KIF26B: variants seen among roughly 807,000 people sequenced by gnomAD.
The protein encoded by KIF26B is kinesin-like protein KIF26B.
In KIF26B, 63 loss-of-function variants were observed where a neutral mutation model predicts 151.2. The ratio of observed to expected loss-of-function variants is 0.42; its 90% CI spans 0.34 to 0.51. The LOEUF (loss-of-function observed/expected upper bound fraction) is 0.51, where lower values mean the gene tolerates loss of function less well. Among genes scored for constraint, KIF26B ranks in the 20% least tolerant of loss-of-function variants. KIF26B has a pLI of 0.07. For missense variants in KIF26B, 2,813 were observed against 2,913.6 expected, an observed-to-expected ratio of 0.97 and a Z score of 0.79; for synonymous variants, 1,357 against 1,262.1, an observed-to-expected ratio of 1.08 and a Z score of -1.59.
At chr1:245,441,556 G>C (rs1233564123) in intron 4 of KIF26B, among the ~76,000 whole-genome samples, 1 of 151,972 alleles carries the variant, frequency 6.6e-6, no homozygotes. Context: ...GGAGGGGAGG[G>C]TTCCAGTTCA....
chr1:245,401,122 CACTT>C (rs1331703094), intron 3 of KIF26B, among the ~76,000 whole-genome samples: 1 of 152,154 alleles, frequency 6.6e-6, no homozygotes, highest in Non-Finnish European at 1.5e-5. Context: ...ATCCTGAACT[CACTT>C]CAAAAGCGAC....
At chr1:245,511,759 T>C (rs1360970605) in intron 4 of KIF26B, among the ~76,000 whole-genome samples, 1 of 152,200 alleles carries the variant, frequency 6.6e-6, no homozygotes, top group African/African-American at 2.4e-5. Context: ...TCATTGCTAG[T>C]TTATACCAGT....
chr1:245,417,731 C>G (rs189044208), intron 3 of KIF26B, among the ~76,000 whole-genome samples: 13 of 152,338 alleles, frequency 8.5e-5, no homozygotes, highest in African/African-American at 3.1e-4. Flanking sequence ...CCTTCTGGAC[C>G]AGATGTGGGA....
intron 2 of KIF26B, among the ~76,000 whole-genome samples, chr1:245,214,963 C>T (rs375071596): frequency 4.1e-4 from 62 of 152,104 alleles, no homozygotes; most frequent in African/African-American, 1.4e-3. Context: ...CTTGGGAGAT[C>T]GGCTGAATGA....
At chr1:245,231,230 C>T (rs1669990097) in intron 2 of KIF26B, among the ~76,000 whole-genome samples, 1 of 152,100 alleles carries the variant, frequency 6.6e-6, no homozygotes, top group African/African-American at 2.4e-5. Context: ...AAACTACAAT[C>T]TAGGCTGGGC....
intron 5 of KIF26B, among the ~76,000 whole-genome samples, chr1:245,559,736 G>A (rs540951468): frequency 6.6e-6 from 1 of 151,850 alleles, no homozygotes; most frequent in African/African-American, 2.4e-5. Context: ...TAGAGATGGG[G>A]GGTCTTACTA....
intron 3 of KIF26B, among the ~76,000 whole-genome samples, chr1:245,401,759 A>C (rs546726134): frequency 1.3e-4 from 20 of 152,270 alleles, no homozygotes; most frequent in African/African-American, 4.6e-4. Flanking sequence ...AATCCCAGCT[A>C]CTCAGGAGGC....
intron 10 of KIF26B, among the ~76,000 whole-genome samples, chr1:245,668,313 A>G (rs1469273944): frequency 6.6e-6 from 1 of 152,252 alleles, no homozygotes. Flanking sequence ...CATGTCAGAA[A>G]TGAATAGCTT....
rs960224610 is a variant in KIF26B at position 245,564,620 on chromosome 1, A to G, written c.1350+23670A>G. Among the ~76,000 whole-genome samples the G allele has an allele frequency of 6.6e-6, 1 of 152,184 alleles. No homozygotes were observed. Among genetic ancestry groups the G allele is most frequent in the African/African-American group, 2.4e-5 (1 of 41,444 alleles). On this transcript the variant is annotated intron_variant, in intron 5 of 14. Transcript: ENST00000407071. This position sits in a 1 kb window ranked among gnomAD's most constrained non-coding sequence, Gnocchi z 4.6. Reference sequence around the variant, plus strand: ...TGAAATCCAAACTCAAGGTGTATACATGTCACCTCCCAGCACAGCAAATGG... The same window carrying G: ...TGAAATCCAAACTCAAGGTGTATACGTGTCACCTCCCAGCACAGCAAATGG...
intron 5 of KIF26B, among the ~76,000 whole-genome samples, chr1:245,555,149 AGGTGAGAAGCACCAGG>A (rs1228050398): frequency 6.6e-6 from 1 of 152,162 alleles, no homozygotes; most frequent in African/African-American, 2.4e-5. Context: ...CTGTTAAGAT[AGGTGAGAAGCACCAGG>A]GGTAGGCGAG....
At position 245,170,308 on chromosome 1, in the gene KIF26B, G is replaced by A. The variant is rs1668688048; in HGVS notation, c.465+13625G>A. On this transcript the variant is annotated intron_variant, in intron 2 of 14. Coordinates refer to ENST00000407071, the MANE Select transcript of KIF26B (RefSeq NM_018012.4). This position sits in a 1 kb window ranked among gnomAD's most constrained non-coding sequence, Gnocchi z 4.4. Reference sequence around the variant, plus strand: ...GGCATTTATGGGTCGGCTGGTTTGAGGGTCCTTGCATTTCTTGTCAGTCAA... The same window carrying A: ...GGCATTTATGGGTCGGCTGGTTTGAAGGTCCTTGCATTTCTTGTCAGTCAA... Among the ~76,000 whole-genome samples the A allele has an allele frequency of 6.6e-6, 1 of 152,280 alleles. No individual in the cohort carries two copies. The highest frequency in any genetic ancestry group is 6.5e-5 in the Admixed American group (1 of 15,302).
At chr1:245,662,255 A>G (rs571701671) in intron 10 of KIF26B, among the ~76,000 whole-genome samples, 87 of 150,972 alleles carry the variant, frequency 5.8e-4, no homozygotes, top group Non-Finnish European at 1.0e-3. Flanking sequence ...ATCTATACAC[A>G]CACACACCCA....
intron 5 of KIF26B, among the ~76,000 whole-genome samples, chr1:245,600,703 C>A (rs1360808298): frequency 6.6e-6 from 1 of 152,062 alleles, no homozygotes; most frequent in Non-Finnish European, 1.5e-5. Context: ...CTGGGCGTGG[C>A]ACCCATGCCT....
intron 4 of KIF26B, among the ~76,000 whole-genome samples, chr1:245,494,380 T>C (rs1660469650): frequency 6.6e-6 from 1 of 152,138 alleles, no homozygotes; most frequent in African/African-American, 2.4e-5. Flanking sequence ...GATACCCCAC[T>C]GGGATCCTTG....
At chr1:245,305,089 C>T (rs945321808) in intron 2 of KIF26B, among the ~76,000 whole-genome samples, 16 of 152,196 alleles carry the variant, frequency 1.1e-4, no homozygotes, top group African/African-American at 3.9e-4. Context: ...TCACCACCCC[C>T]ATGCTAGAGA....
chr1:245,635,456 A>G (rs940580755), intron 9 of KIF26B, among the ~76,000 whole-genome samples: 10 of 152,126 alleles, frequency 6.6e-5, no homozygotes, highest in South Asian at 2.1e-4. Context: ...ATCTGTAGGA[A>G]CTTTAGATGA....
chr1:245,536,307 C>T (rs1661487016), intron 4 of KIF26B, among the ~76,000 whole-genome samples: 1 of 152,160 alleles, frequency 6.6e-6, no homozygotes, highest in Non-Finnish European at 1.5e-5. Flanking sequence ...AAGACTCTTT[C>T]CTTCCTCTTT....
chr1:245,353,270 G>A (rs1400249292), intron 2 of KIF26B, among the ~76,000 whole-genome samples: 4 of 152,140 alleles, frequency 2.6e-5, no homozygotes, highest in Non-Finnish European at 5.9e-5. Context: ...TACTAGCTTG[G>A]GCTTGTTGTG....
chr1:245,608,413 A>C (rs1407425331), intron 7 of KIF26B, among the ~76,000 whole-genome samples: 5 of 152,234 alleles, frequency 3.3e-5, no homozygotes, highest in Non-Finnish European at 7.3e-5. Context: ...GCTGGAGCTC[A>C]CAGAGGCCAG....
Sources: gnomAD v4.1 joint callset for allele counts (sites outside exome capture counted in the v4.1 genomes callset) on GRCh38, gnomAD v4.1.1 for gene constraint, Gnocchi (gnomAD v3.1) non-coding constraint, MANE v1.5 for transcripts, NCBI Gene and HGNC (gene_info 2026-07-23, HGNC 2026-07-21) for gene names.